Variants in DCPH1 observed in about 807,000 individuals in gnomAD.
DCPH1 encodes the protein damage control phosphatase 1, also known as damage-control phosphatase 1.
At chr6:151,455,141 A>T in the DCPH1 span, among the ~76,000 whole-genome samples, 2 of 151,934 alleles carry the variant, frequency 1.3e-5, no homozygotes, top group African/African-American at 4.8e-5. Context: ...TTCAGTGCAG[A>T]ATAGGACTTT....
the DCPH1 span, among the ~76,000 whole-genome samples, chr6:151,453,009 C>T: frequency 6.6e-6 from 1 of 152,204 alleles, no homozygotes; most frequent in Non-Finnish European, 1.5e-5. Context: ...ATAGTCGTCA[C>T]GCTACTGATT....
chr6:151,460,521 C>G, the DCPH1 span, among the ~76,000 whole-genome samples: 8 of 151,980 alleles, frequency 5.3e-5, no homozygotes, highest in South Asian at 1.5e-3. Flanking sequence ...TGCGGTGGCT[C>G]ACACCTGTAA....
chr6:151,464,256 CAATT>C, the DCPH1 span, among the ~76,000 whole-genome samples: 11,308 of 152,036 alleles, frequency 0.074, 542 homozygotes, highest in East Asian at 0.16. Context: ...ACTTTTTTGA[CAATT>C]AAAATGAGTT....
At chr6:151,452,686 G>A in the DCPH1 span, 1 of 1,252,950 alleles carries the variant, frequency 8.0e-7, no homozygotes, top group Non-Finnish European at 1.1e-6. Context: ...GGTGGGCTGC[G>A]TTCGAGTCCC....
At chr6:151,459,657 G>A in the DCPH1 span, among the ~76,000 whole-genome samples, 2 of 152,138 alleles carry the variant, frequency 1.3e-5, no homozygotes, top group Non-Finnish European at 2.9e-5. Flanking sequence ...CAGGTGTGGT[G>A]GCACATGCCT....
chr6:151,464,561 A>T, the DCPH1 span: 10 of 1,611,956 alleles, frequency 6.2e-6, no homozygotes, highest in Admixed American at 1.7e-4. Flanking sequence ...AATTGATAAG[A>T]ACTATTGAAG....
the DCPH1 span, among the ~76,000 whole-genome samples, chr6:151,456,681 T>C: frequency 1.3e-5 from 2 of 152,184 alleles, no homozygotes; most frequent in African/African-American, 4.8e-5. Flanking sequence ...AGACAGGGTC[T>C]TGTTCTGTCT....
At chr6:151,462,200 A>G in the DCPH1 span, among the ~76,000 whole-genome samples, 1 of 152,242 alleles carries the variant, frequency 6.6e-6, no homozygotes, top group Non-Finnish European at 1.5e-5. Context: ...AGATTTTTAG[A>G]AAAACTTTTT....
At chr6:151,458,512 C>A in the DCPH1 span, 1 of 1,611,416 alleles carries the variant, frequency 6.2e-7, no homozygotes, top group South Asian at 1.1e-5. Context: ...TGGTTCTACT[C>A]ACCGTGGTTG....
chr6:151,462,965 G>A, the DCPH1 span, among the ~76,000 whole-genome samples: 1 of 152,144 alleles, frequency 6.6e-6, no homozygotes, highest in South Asian at 2.1e-4. Context: ...TGCAGCTGCC[G>A]AACCTGCCAT....
the DCPH1 span, among the ~76,000 whole-genome samples, chr6:151,463,583 A>C: frequency 6.6e-6 from 1 of 152,208 alleles, no homozygotes; most frequent in Non-Finnish European, 1.5e-5. Flanking sequence ...TCCCGAGGTG[A>C]CTGACTGGCT....
At chr6:151,464,579 T>C in the DCPH1 span, 1 of 1,610,186 alleles carries the variant, frequency 6.2e-7, no homozygotes, top group African/African-American at 1.3e-5. Flanking sequence ...AAGACCTAGA[T>C]GAAAATCAGC....
the DCPH1 span, chr6:151,454,748 A>G: frequency 6.5e-4 from 400 of 617,462 alleles, 1 homozygote; most frequent in Middle Eastern, 9.0e-3. Flanking sequence ...TAAATGTAAA[A>G]ATCAATAGAT....
At chr6:151,470,059 A>G in the DCPH1 span, 1 of 152,218 alleles carries the variant, frequency 6.6e-6, no homozygotes, top group African/African-American at 2.4e-5. Context: ...AAATCTGGAA[A>G]TGTTTTGTTG....
chr6:151,466,996 A>G, the DCPH1 span, among the ~76,000 whole-genome samples: 1 of 152,188 alleles, frequency 6.6e-6, no homozygotes, highest in Non-Finnish European at 1.5e-5. Flanking sequence ...CACACCTGTA[A>G]TCCCAGCACT....
chr6:151,463,283 T>C, the DCPH1 span, among the ~76,000 whole-genome samples: 5 of 152,226 alleles, frequency 3.3e-5, no homozygotes, highest in Non-Finnish European at 7.3e-5. Context: ...TTGGAACTTC[T>C]TTCAGAGCCA....
chr6:151,462,297 C>T, the DCPH1 span, among the ~76,000 whole-genome samples: 20 of 152,294 alleles, frequency 1.3e-4, no homozygotes, highest in South Asian at 2.1e-4. Flanking sequence ...GATCAAGAGA[C>T]GGAACCTTAC....
At chr6:151,469,186 T>A in the DCPH1 span, 1 of 1,298,594 alleles carries the variant, frequency 7.7e-7, no homozygotes, top group Non-Finnish European at 1.0e-6. Context: ...AGCACGTGAA[T>A]TGAGTCGCCT....
At chr6:151,464,647 TGTTTTATTTAAACA>T in the DCPH1 span, 8 of 1,516,902 alleles carry the variant, frequency 5.3e-6, no homozygotes, top group Non-Finnish European at 7.2e-6. Context: ...CTTCTGAGTA[TGTTTTATTTAAACA>T]GAAAATAAAC....
Sources: allele counts gnomAD v4.1 joint callset (sites outside exome capture counted in the v4.1 genomes callset), GRCh38; gene constraint gnomAD v4.1.1; transcripts MANE v1.5; gene names NCBI Gene and HGNC (gene_info 2026-07-23, HGNC 2026-07-21).